The following KAT2A variants were observed in gnomAD, a reference collection of about 807,000 sequenced individuals.
KAT2A encodes lysine acetyltransferase 2A, also known as histone acetyltransferase KAT2A.
Under a neutral mutation model 95.2 loss-of-function variants are expected in KAT2A, and 42 were observed. The observed-to-expected ratio is 0.44, with a 90% CI of 0.34 to 0.57. The LOEUF (loss-of-function observed/expected upper bound fraction) is 0.57, where lower values mean the gene tolerates loss of function less well. Ranked by LOEUF, KAT2A falls within the 20% of genes least tolerant of loss-of-function variation. The pLI, the probability that KAT2A is intolerant of heterozygous loss-of-function variation, is 0.01. For synonymous variants in KAT2A, 449 were observed against 448.2 expected (o/e 1.00, Z -0.02); for missense variants, 784 against 1,126.3 (o/e 0.70, Z 4.35).
At position 42,117,592 on chromosome 17, in the gene KAT2A, C is replaced by T; in HGVS notation, c.1433G>A (p.Ser478Asn). The T allele has an allele frequency of 6.2e-7, 1 of 1,611,982 alleles. No individual in the cohort carries two copies. Among genetic ancestry groups the T allele is most frequent in the Non-Finnish European group, 8.5e-7 (1 of 1,179,226 alleles). The change falls in exon 10 of 18, where the codon AGC (serine) becomes AAC (asparagine). Residue 478 changes from serine to asparagine, a missense_variant. By Grantham distance (46) the Ser-to-Asn change is conservative. Coordinates refer to ENST00000225916, the MANE Select transcript of KAT2A (RefSeq NM_021078.3). This position sits in a 1 kb window ranked among gnomAD's most constrained non-coding sequence, Gnocchi z 8.9. ...DPAAMLGPET[S>N]LLSANAARDE... ...CCGGGCCGCATTGGCCGAAAGCAGG[C>T]TCGTCTGGGCACAGAAGAGGGGTGG...
chr17:42,117,966 A>C lies in KAT2A; in HGVS notation c.1232T>G (p.Met411Arg), dbSNP rs1555666416. 3 of 1,608,438 alleles carry C rather than the reference A, an allele frequency of 1.9e-6. No homozygotes were observed. The African/African-American group carries it at 4.0e-5, about 22-fold the overall frequency. ...VPSTPIFSPS[M>R]GGGSNSSLSL... ...CAGGGAGCTGTTGCTGCCCCCACCC[A>C]TGCTGGGGCTGAAGATGGGGGTGCT... Residue 411 changes from methionine (M) to arginine (R), a missense_variant, in exon 8 of 18, where the codon ATG becomes AGG. This residue lies in a region of KAT2A where 63 missense variants were observed against 70.1 expected (regional missense o/e 0.90). Coordinates refer to ENST00000225916, the MANE Select transcript of KAT2A (RefSeq NM_021078.3). This position sits in a 1 kb window ranked among gnomAD's most constrained non-coding sequence, Gnocchi z 8.9.
chr17:42,115,881 G>T, intron 11 of KAT2A, 48 bp from the exon 12 acceptor site: 1 of 1,062,508 alleles, frequency 9.4e-7, no homozygotes, highest in Non-Finnish European at 1.5e-6. Context: ...GATGGGCCTG[G>T]TGCTGGAGAG....
In KAT2A at chr17:42,119,100, C is replaced by T. The variant is rs1217508069; in HGVS notation, c.1073+145G>A. The T allele has an allele frequency of 1.3e-6, 2 of 1,496,852 alleles. No homozygotes were observed. The highest frequency in any genetic ancestry group is 1.4e-5 in the South Asian group (1 of 71,676). The allele number at this position is 1,496,852 out of a possible 1,614,324, so 92.7% of individuals were successfully genotyped here. A position where few individuals can be genotyped will look rare whatever the true frequency, so the allele number is the denominator to read the frequency against. On this transcript the variant is annotated intron_variant, in intron 6 of 17. Coordinates refer to ENST00000225916, the MANE Select transcript of KAT2A (RefSeq NM_021078.3). The surrounding 1 kb of genome is among the most constrained non-coding windows in gnomAD (Gnocchi z 5.3). ...TAGCAAGTTGCTTCTGGGCCATGGGCAAGTCTGCCAGGTAGACGCCCAGAT... is the reference window on the plus strand; with the variant it reads ...TAGCAAGTTGCTTCTGGGCCATGGGTAAGTCTGCCAGGTAGACGCCCAGAT...
Position 42,117,294 on chromosome 17 carries a change from G to T in KAT2A, c.1637+94C>A. The T allele has an allele frequency of 6.4e-7, 1 of 1,551,724 alleles. No individual in the cohort carries two copies. Among genetic ancestry groups the T allele is most frequent in the South Asian group, 1.1e-5 (1 of 88,160 alleles). On this transcript the variant is annotated intron_variant, in intron 10 of 17. Transcript: ENST00000225916. This position sits in a 1 kb window ranked among gnomAD's most constrained non-coding sequence, Gnocchi z 8.9. ...TCAAAGGATGAACCTCAGAAGTGGG[G>T]AGCAGGGGATCCCCAATTTTGAGGA... is the stretch of plus-strand genomic sequence containing the variant.
In KAT2A at chr17:42,114,127, C is replaced by T. The variant is rs782417814; in HGVS notation, c.2236-43G>A. Reference sequence around the variant, plus strand: ...GCTGGGGACAGCCCTGCTGCGCCCACGCCAGCCCGAGACCACTACCCACCC... The same window carrying T: ...GCTGGGGACAGCCCTGCTGCGCCCATGCCAGCCCGAGACCACTACCCACCC... On this transcript the variant is annotated intron_variant, in intron 16 of 17. Coordinates refer to ENST00000225916, the MANE Select transcript of KAT2A (RefSeq NM_021078.3). The surrounding 1 kb of genome is among the most constrained non-coding windows in gnomAD (Gnocchi z 6.0). 5.5e-5 allele frequency: 86 copies of T among 1,569,820 alleles called. No individual in the cohort carries two copies. The highest frequency in any genetic ancestry group is 1.7e-4 in the Middle Eastern group (1 of 5,928).
intron 12 of KAT2A, 162 bp downstream of exon 12, chr17:42,115,561 G>T: frequency 1.6e-6 from 1 of 628,818 alleles, no homozygotes. Context: ...CTCCCCTGGG[G>T]CAATGGCAGC....
In KAT2A at chr17:42,114,157, C is replaced by T; in HGVS notation, c.2235+62G>A. ...GCCCGAGACCACTACCCACCCCACA[C>T]TGCATCAAGAGGCCACAGCCATTGG... On this transcript the variant is annotated intron_variant, in intron 16 of 17. Coordinates refer to ENST00000225916, the MANE Select transcript of KAT2A (RefSeq NM_021078.3). This position sits in a 1 kb window ranked among gnomAD's most constrained non-coding sequence, Gnocchi z 6.0. 1 of 1,577,226 alleles carries T rather than the reference C, an allele frequency of 6.3e-7. No homozygotes were observed. Among genetic ancestry groups the T allele is most frequent in the Non-Finnish European group, 8.6e-7 (1 of 1,163,132 alleles).
In KAT2A at chr17:42,117,645, TCCC is replaced by T. The variant is rs2144036780; in HGVS notation, c.1428+30_1428+32del. On this transcript the variant is annotated intron_variant, in intron 9 of 17. Transcript: ENST00000225916. This position sits in a 1 kb window ranked among gnomAD's most constrained non-coding sequence, Gnocchi z 8.9. ...AGCCGGGGTCTCAGGTTGGTGGGGG[TCCC>T]CCAACTGGTCAGCAGGTCGGGCTGC... 2.5e-6 allele frequency: 4 copies of T among 1,603,966 alleles called. No individual in the cohort carries two copies. Among genetic ancestry groups the T allele is most frequent in the Non-Finnish European group, 3.4e-6 (4 of 1,174,046 alleles).
chr17:42,118,797 G>C (rs1399024637), intron 6 of KAT2A, among the ~76,000 whole-genome samples: 1 of 152,218 alleles, frequency 6.6e-6, no homozygotes, highest in Non-Finnish European at 1.5e-5. Context: ...AGAGAGCCAG[G>C]ATTAGTCAGT....
rs1181805342 is a variant in KAT2A, at chr17:42,117,277, T to C, written c.1637+111A>G. ...GTGAGAAGTAAGAATGCTCAAAGGA[T>C]GAACCTCAGAAGTGGGGAGCAGGGG... On this transcript the variant is annotated intron_variant, in intron 10 of 17. Transcript: ENST00000225916. The surrounding 1 kb of genome is among the most constrained non-coding windows in gnomAD (Gnocchi z 8.9). 7.7e-6 allele frequency: 12 copies of C among 1,553,488 alleles called. No individual in the cohort carries two copies. Among genetic ancestry groups the C allele is most frequent in the Non-Finnish European group, 1.1e-5 (12 of 1,135,638 alleles).
chr17:42,119,949 G>C lies in KAT2A; in HGVS notation c.699+81C>G. ...ACCTCCCCAGTGTTCTCAGCTTGAG[G>C]AGAATGGAGAACACAGGCTCCCCAC... is the stretch of plus-strand genomic sequence containing the variant. On this transcript the variant is annotated intron_variant, in intron 4 of 17. Transcript: ENST00000225916. The surrounding 1 kb of genome is among the most constrained non-coding windows in gnomAD (Gnocchi z 5.3). The C allele has an allele frequency of 7.8e-7, 1 of 1,279,576 alleles. No homozygotes were observed. Among genetic ancestry groups the C allele is most frequent in the Non-Finnish European group, 1.1e-6 (1 of 879,422 alleles). 79.3% of individuals were successfully genotyped at this position (1,279,576 alleles called of 1,614,324 possible). A position where few individuals can be genotyped will look rare whatever the true frequency, so the allele number is the denominator to read the frequency against.
Position 42,119,612 on chromosome 17 carries a change from T to C in KAT2A, c.806A>G (p.Lys269Arg). The change falls in exon 5 of 18, where the codon AAG becomes AGG. Residue 269 changes from lysine to arginine, a missense_variant. Coordinates refer to ENST00000225916, the MANE Select transcript of KAT2A (RefSeq NM_021078.3). The surrounding 1 kb of genome is among the most constrained non-coding windows in gnomAD (Gnocchi z 5.3). ...KMFLLCLNYW[K>R]LETPAQFRQR... The stretch of plus-strand genomic sequence containing the variant: ...CCGAAACTGGGCAGGTGTCTCAAGC[T>C]TCCAGTAGTTAAGGCAGAGCAAGAA... The C allele has an allele frequency of 6.2e-7, 1 of 1,613,984 alleles. No homozygotes were observed. Among genetic ancestry groups the C allele is most frequent in the Non-Finnish European group, 8.5e-7 (1 of 1,179,924 alleles).
At chr17:42,116,890 G>A in intron 11 of KAT2A, 145 bp downstream of exon 11, 1 of 981,290 alleles carries the variant, frequency 1.0e-6, no homozygotes, top group South Asian at 1.5e-5. Flanking sequence ...AAGTACGGCT[G>A]CCACCTTGTG....
At position 42,113,816 on chromosome 17, in the gene KAT2A, G is replaced by A; in HGVS notation, c.2347C>T (p.Arg783Ter). 3 of 1,598,318 alleles carry A rather than the reference G, an allele frequency of 1.9e-6. No homozygotes were observed. The highest frequency in any genetic ancestry group is 2.6e-6 in the Non-Finnish European group (3 of 1,174,616). ...IDLKTMTERL[R>*]SRYYVTRKLF... is the part of the protein sequence containing the mutation. ...TTCCGGGTCACGTAGTAGCGGCTTC[G>A]CAGCCGCTCAGTCATGGTCTTCAGG... Residue 783 changes from arginine (R) to a stop codon, truncating the protein, a stop_gained, in exon 18 of 18, where the codon CGA becomes TGA. Coordinates refer to ENST00000225916, the MANE Select transcript of KAT2A (RefSeq NM_021078.3). LOFTEE classifies it high-confidence loss of function.
chr17:42,117,627 G>T lies in KAT2A; in HGVS notation c.1429-31C>A. Reference sequence around the variant, plus strand: ...CACAGAAGAGGGGTGGTGAGCCGGGGTCTCAGGTTGGTGGGGGTCCCCCAA... The same window carrying T: ...CACAGAAGAGGGGTGGTGAGCCGGGTTCTCAGGTTGGTGGGGGTCCCCCAA... On this transcript the variant is annotated intron_variant, in intron 9 of 17. Coordinates refer to ENST00000225916, the MANE Select transcript of KAT2A (RefSeq NM_021078.3). The surrounding 1 kb of genome is among the most constrained non-coding windows in gnomAD (Gnocchi z 8.9). The T allele has an allele frequency of 6.2e-7, 1 of 1,606,962 alleles. No individual in the cohort carries two copies. The highest frequency in any genetic ancestry group is 8.5e-7 in the Non-Finnish European group (1 of 1,175,470).
rs782329263 is a variant in KAT2A, at chr17:42,113,717, G to A, written c.2446C>T (p.Arg816Cys). The change falls in exon 18 of 18, where the codon CGC (arginine) becomes TGC (cysteine). Residue 816 changes from arginine (R) to cysteine (C), a missense_variant. Arg to Cys is a radical substitution (Grantham distance 180). Transcript: ENST00000225916. ...AACTTCTCCAGGGCGCTGGCACAGC[G>A]GCAGTACTCGCTGTCCGGGGGGTTG... ...EYNPPDSEYC[R>C]CASALEKFFY... 1.2e-5 allele frequency: 20 copies of A among 1,611,548 alleles called. No individual in the cohort carries two copies. The highest frequency in any genetic ancestry group is 7.7e-5 in the South Asian group (7 of 90,856).
rs2054228731 is a variant in KAT2A, at chr17:42,114,661, G to A, written c.2020-57C>T. The A allele has an allele frequency of 2.0e-6, 3 of 1,496,338 alleles. No homozygotes were observed. The African/African-American group carries it at 4.1e-5, about 21-fold the overall frequency. 92.7% of individuals were successfully genotyped at this position (1,496,338 alleles called of 1,614,324 possible). On this transcript the variant is annotated intron_variant, in intron 13 of 17. Coordinates refer to ENST00000225916, the MANE Select transcript of KAT2A (RefSeq NM_021078.3). The surrounding 1 kb of genome is among the most constrained non-coding windows in gnomAD (Gnocchi z 6.0). ...CCAGCCCCAACAACAACCCCTCCCA[G>A]GGCCACAGTCGGAGCCACTGGCTGC...
At position 42,115,038 on chromosome 17, in the gene KAT2A, G is replaced by C; in HGVS notation, c.1876-3C>G. ...ACCTTGATGTCCTTGGAGAAACCCT[G>C]GGGGGTGGATGGTCATGACCCAGTC... On this transcript the variant is annotated splice_region_variant and splice_polypyrimidine_tract_variant and intron_variant, in intron 12 of 17. Transcript: ENST00000225916. The C allele has an allele frequency of 1.2e-6, 2 of 1,612,970 alleles. No individual in the cohort carries two copies. Among genetic ancestry groups the C allele is most frequent in the Non-Finnish European group, 1.7e-6 (2 of 1,179,460 alleles).
At position 42,121,010 on chromosome 17, in the gene KAT2A, G is replaced by C; in HGVS notation, c.295C>G (p.Arg99Gly). The change falls in exon 1 of 18, where the codon CGC becomes GGC. Residue 99 changes from arginine to glycine, a missense_variant. Physicochemically the swap from Arg to Gly is moderately radical, Grantham distance 125 (BLOSUM62 -2). This residue lies in a region of KAT2A where 208 missense variants were observed against 339.7 expected (regional missense o/e 0.61). Coordinates refer to ENST00000225916, the MANE Select transcript of KAT2A (RefSeq NM_021078.3). Reference protein sequence around the residue: ...QRKAQVRGLPRAKKLEKLGVF... With the variant: ...QRKAQVRGLPGAKKLEKLGVF... ...CCTAGCTTCTCAAGCTTCTTGGCGC[G>C]CGGCAGCCCCCGGACTTGCGCCTTC... 1 of 1,594,522 alleles carries C rather than the reference G, an allele frequency of 6.3e-7. No homozygotes were observed. Among genetic ancestry groups the C allele is most frequent in the Non-Finnish European group, 8.5e-7 (1 of 1,172,110 alleles).
Sources: gnomAD v4.1 joint callset for allele counts (sites outside exome capture counted in the v4.1 genomes callset) on GRCh38, gnomAD v4.1.1 for gene constraint, gnomAD v4.1.1 regional missense constraint, Gnocchi (gnomAD v3.1) non-coding constraint, MANE v1.5 for transcripts, NCBI Gene and HGNC (gene_info 2026-07-23, HGNC 2026-07-21) for gene names.